The following VTCN1 variants were observed in gnomAD, a reference collection of about 807,000 sequenced individuals.
VTCN1 encodes V-set domain-containing T-cell activation inhibitor 1.
Under a neutral mutation model 26.5 loss-of-function variants are expected in VTCN1, and 26 were observed. The ratio of observed to expected loss-of-function variants is 0.98; its 90% CI spans 0.72 to 1.36. VTCN1 has a LOEUF of 1.36. Among genes scored for constraint, VTCN1 ranks in the 40% most tolerant of loss-of-function variants. VTCN1 has a pLI of 0.00. For missense variants in VTCN1, 298 were observed against 337.7 expected, an observed-to-expected ratio of 0.88 and a Z score of 0.92; for synonymous variants, 116 against 130.7, an observed-to-expected ratio of 0.89 and a Z score of 0.77.
chr1:117,196,471 GT>G (rs1368940301), intron 1 of VTCN1, among the ~76,000 whole-genome samples: 1 of 151,594 alleles, frequency 6.6e-6, no homozygotes, highest in African/African-American at 2.4e-5. Flanking sequence ...TTATCTCTAG[GT>G]TAGGACCGAT....
At chr1:117,208,666 G>A (rs1240756444) in intron 1 of VTCN1, among the ~76,000 whole-genome samples, 1 of 152,192 alleles carries the variant, frequency 6.6e-6, no homozygotes, top group Non-Finnish European at 1.5e-5. Flanking sequence ...GAATGCTGCT[G>A]CTGTCAACAG....
chr1:117,201,985 G>C (rs979559489), intron 1 of VTCN1, among the ~76,000 whole-genome samples: 1 of 152,122 alleles, frequency 6.6e-6, no homozygotes, highest in Non-Finnish European at 1.5e-5. Flanking sequence ...TTTCCACCAG[G>C]ACCTGTCTGG....
At chr1:117,157,709 C>A (rs1652162397) in intron 2 of VTCN1, among the ~76,000 whole-genome samples, 1 of 152,154 alleles carries the variant, frequency 6.6e-6, no homozygotes, top group South Asian at 2.1e-4. Context: ...CAAAACCAAT[C>A]ATGCCTTCCC....
intron 1 of VTCN1, among the ~76,000 whole-genome samples, chr1:117,174,919 G>A (rs1310933455): frequency 1.3e-5 from 2 of 152,210 alleles, no homozygotes; most frequent in Non-Finnish European, 1.5e-5. Context: ...GGTGCAGGGG[G>A]TCAGGATCTA....
At chr1:117,177,094 A>T (rs1366136450) in intron 1 of VTCN1, among the ~76,000 whole-genome samples, 1 of 152,232 alleles carries the variant, frequency 6.6e-6, no homozygotes, top group Non-Finnish European at 1.5e-5. Flanking sequence ...GCAAGACTCC[A>T]TTTCAAAAAA....
intron 1 of VTCN1, 91 bp downstream of exon 1, chr1:117,210,733 C>G (rs1649308499): frequency 7.2e-7 from 1 of 1,393,128 alleles, no homozygotes; most frequent in Admixed American, 1.7e-5. Context: ...AGGTGGGGTC[C>G]TATGGGACAG....
intron 3 of VTCN1, among the ~76,000 whole-genome samples, chr1:117,154,838 C>T (rs1050453197): frequency 5.3e-5 from 8 of 151,214 alleles, no homozygotes; most frequent in South Asian, 2.1e-4. Flanking sequence ...ACGGAGAAAC[C>T]GCCAATGGTA....
intron 1 of VTCN1, among the ~76,000 whole-genome samples, chr1:117,209,294 A>G (rs1649244280): frequency 6.6e-6 from 1 of 152,202 alleles, no homozygotes; most frequent in African/African-American, 2.4e-5. Flanking sequence ...GAGAGAGCCC[A>G]CACATCCCAT....
rs898129683 is a variant in VTCN1, at chr1:117,165,437, G to C, written c.97+4670C>G. ...TATATTATATTGGAGGAGGTGCCTG[G>C]TGGGAGGTGTGTGGGTCATTGGGGC... On this transcript the variant is annotated intron_variant, in intron 2 of 5. Transcript: ENST00000369458. 3.3e-5 allele frequency among the ~76,000 whole-genome samples: 5 copies of C among 152,270 alleles called. No individual in the cohort carries two copies. In the East Asian group the frequency reaches 9.6e-4, roughly 29 times the overall value.
chr1:117,197,151 T>C lies in VTCN1; in HGVS notation c.32+13673A>G, dbSNP rs541009017. Among the ~76,000 whole-genome samples the C allele has an allele frequency of 2.0e-5, 3 of 152,336 alleles. No homozygotes were observed. The South Asian group carries it at 6.2e-4, about 32-fold the overall frequency. ...CATGTTTATTAAGATAAGTACAATATGTTGGGGTCAGTATTAGTGAAACTG... is the reference window on the plus strand; with the variant it reads ...CATGTTTATTAAGATAAGTACAATACGTTGGGGTCAGTATTAGTGAAACTG... On this transcript the variant is annotated intron_variant, in intron 1 of 5. Coordinates refer to ENST00000369458, the MANE Select transcript of VTCN1 (RefSeq NM_024626.4).
chr1:117,199,940 G>A (rs989094135), intron 1 of VTCN1, among the ~76,000 whole-genome samples: 5 of 152,160 alleles, frequency 3.3e-5, no homozygotes, highest in African/African-American at 1.2e-4. Flanking sequence ...AGCCTGCAGG[G>A]ATTCTTTTAA....
intron 2 of VTCN1, among the ~76,000 whole-genome samples, chr1:117,168,886 C>T (rs1652753885): frequency 6.6e-6 from 1 of 152,170 alleles, no homozygotes; most frequent in South Asian, 2.1e-4. Flanking sequence ...TGAACCACCA[C>T]AACTGGCCTA....
In VTCN1 at chr1:117,145,437, A is replaced by T. The variant is rs565915544; in HGVS notation, c.*46-212T>A. Among the ~76,000 whole-genome samples the T allele has an allele frequency of 6.6e-6, 1 of 152,272 alleles. No individual in the cohort carries two copies. The highest frequency in any genetic ancestry group is 1.9e-4 in the East Asian group (1 of 5,176). On this transcript the variant is annotated intron_variant, in intron 5 of 5. Coordinates refer to ENST00000369458, the MANE Select transcript of VTCN1 (RefSeq NM_024626.4). This position sits in a 1 kb window ranked among gnomAD's most constrained non-coding sequence, Gnocchi z 4.6. Reference sequence around the variant, plus strand: ...GGCTTGAATCTCTCCTTAACGGGGTATCATCCCAGTGGCAGTCTCAAGGAA... The same window carrying T: ...GGCTTGAATCTCTCCTTAACGGGGTTTCATCCCAGTGGCAGTCTCAAGGAA...
intron 1 of VTCN1, chr1:117,203,928 T>A: frequency 6.8e-6 from 2 of 294,230 alleles, no homozygotes; most frequent in Non-Finnish European, 1.0e-5. Context: ...ATGCTGCTGG[T>A]TGGAAGACCA....
chr1:117,209,129 G>A lies in VTCN1; in HGVS notation c.32+1695C>T, dbSNP rs140192590. On this transcript the variant is annotated intron_variant, in intron 1 of 5. Transcript: ENST00000369458. Reference sequence around the variant, plus strand: ...ATGGACAGTCGCTGCTTCTGAAACTGCAGAGCATGAATAGCCAACAAGGCA... The same window carrying A: ...ATGGACAGTCGCTGCTTCTGAAACTACAGAGCATGAATAGCCAACAAGGCA... Among the ~76,000 whole-genome samples, 853 of 152,278 alleles carry A rather than the reference G, an allele frequency of 5.6e-3. 7 individuals are homozygous for A. The highest frequency in any genetic ancestry group is 0.02 in the African/African-American group (812 of 41,544).
At chr1:117,178,588 GTT>G (rs10657719) in intron 1 of VTCN1, among the ~76,000 whole-genome samples, 2 of 88,274 alleles carry the variant, frequency 2.3e-5, no homozygotes, top group Middle Eastern at 0.012. Context: ...TCTTTCTTTC[GTT>G]TTTTTTTTTT....
At chr1:117,176,797 C>T (rs1324940510) in intron 1 of VTCN1, among the ~76,000 whole-genome samples, 1 of 152,110 alleles carries the variant, frequency 6.6e-6, no homozygotes, top group Non-Finnish European at 1.5e-5. Flanking sequence ...TTACTTCAGC[C>T]TATCCAAAGA....
At chr1:117,176,119 A>G (rs890602290) in intron 1 of VTCN1, among the ~76,000 whole-genome samples, 5 of 152,176 alleles carry the variant, frequency 3.3e-5, no homozygotes, top group African/African-American at 1.2e-4. Context: ...GGTCCATGGC[A>G]TGGCATAACA....
At chr1:117,176,165 A>G (rs1647344642) in intron 1 of VTCN1, among the ~76,000 whole-genome samples, 1 of 152,176 alleles carries the variant, frequency 6.6e-6, no homozygotes, top group South Asian at 2.1e-4. Flanking sequence ...GCCTCATTAT[A>G]TTGTTTCTCA....
Sources: allele counts gnomAD v4.1 joint callset (sites outside exome capture counted in the v4.1 genomes callset), GRCh38; gene constraint gnomAD v4.1.1; non-coding constraint Gnocchi (gnomAD v3.1); transcripts MANE v1.5; gene names NCBI Gene and HGNC (gene_info 2026-07-23, HGNC 2026-07-21).